Variants in ST6GALNAC3 observed in about 807,000 individuals in gnomAD.
ST6GALNAC3 encodes alpha-N-acetylgalactosaminide alpha-2,6-sialyltransferase 3.
Under a neutral mutation model 32.7 loss-of-function variants are expected in ST6GALNAC3, and 25 were observed. That is an observed-to-expected ratio of 0.76 (90% CI 0.56 to 1.07). The LOEUF (loss-of-function observed/expected upper bound fraction) is 1.07, where lower values mean the gene tolerates loss of function less well. ST6GALNAC3 is among the 50% of genes least tolerant of loss of function. ST6GALNAC3 has a pLI of 0.00. For synonymous variants in ST6GALNAC3, 129 were observed against 133.1 expected (o/e 0.97, Z 0.21); for missense variants, 355 against 382.4 (o/e 0.93, Z 0.60).
intron 2 of ST6GALNAC3, among the ~76,000 whole-genome samples, chr1:76,327,653 A>G (rs1486114212): frequency 6.6e-6 from 1 of 152,182 alleles, no homozygotes; most frequent in Non-Finnish European, 1.5e-5. Flanking sequence ...GCAGTGGTGC[A>G]ATCTCGGCTC....
At chr1:76,158,931 G>C (rs1423961077) in intron 1 of ST6GALNAC3, among the ~76,000 whole-genome samples, 1 of 152,144 alleles carries the variant, frequency 6.6e-6, no homozygotes, top group Non-Finnish European at 1.5e-5. Flanking sequence ...TCACAAAGCT[G>C]GCAAGGGACT....
At chr1:76,091,850 C>T (rs1647051072) in intron 1 of ST6GALNAC3, among the ~76,000 whole-genome samples, 1 of 152,204 alleles carries the variant, frequency 6.6e-6, no homozygotes, top group African/African-American at 2.4e-5. Flanking sequence ...CACAACTACA[C>T]TTACGGATGT....
intron 3 of ST6GALNAC3, among the ~76,000 whole-genome samples, chr1:76,436,749 T>C (rs190099784): frequency 6.6e-6 from 1 of 152,230 alleles, no homozygotes; most frequent in African/African-American, 2.4e-5. Context: ...AATTGAGACA[T>C]AGTGATGCTG....
chr1:76,452,573 A>G (rs1452957400), intron 3 of ST6GALNAC3, among the ~76,000 whole-genome samples: 1 of 152,152 alleles, frequency 6.6e-6, no homozygotes, highest in Non-Finnish European at 1.5e-5. Flanking sequence ...TTTGTGGTGT[A>G]TTACATTTAC....
chr1:76,325,325 T>A (rs12744209), intron 2 of ST6GALNAC3, among the ~76,000 whole-genome samples: 15,489 of 152,220 alleles, frequency 0.1, 968 homozygotes, highest in Non-Finnish European at 0.14. Context: ...ATAATTCCTG[T>A]CCTCTTTAAG....
chr1:76,629,169 G>A lies in ST6GALNAC3; in HGVS notation c.*363G>A. ...AGTGAGTAACTTCCAGAAGCCAAAA[G>A]AGTTTGGCTTCATGAGGCAAGGTGA... On this transcript the variant is annotated 3_prime_UTR_variant, in exon 5 of 5. Transcript: ENST00000328299. 9.8e-7 allele frequency: 1 copy of A among 1,021,656 alleles called. No homozygotes were observed. Among genetic ancestry groups the A allele is most frequent in the Non-Finnish European group, 1.2e-6 (1 of 854,708 alleles). 63.3% of individuals were successfully genotyped at this position (1,021,656 alleles called of 1,614,324 possible).
chr1:76,270,387 A>T (rs1658770086), intron 1 of ST6GALNAC3, among the ~76,000 whole-genome samples: 2 of 151,782 alleles, frequency 1.3e-5, no homozygotes, highest in South Asian at 4.2e-4. Context: ...GGTGCCTGTA[A>T]TCCCAGCTAC....
chr1:76,197,587 T>C (rs889574539), intron 1 of ST6GALNAC3, among the ~76,000 whole-genome samples: 4 of 152,074 alleles, frequency 2.6e-5, no homozygotes, highest in African/African-American at 9.7e-5. Flanking sequence ...CATGACAGTA[T>C]CCCAGGCTAA....
intron 2 of ST6GALNAC3, among the ~76,000 whole-genome samples, chr1:76,350,715 T>C (rs1178789344): frequency 6.6e-6 from 1 of 152,158 alleles, no homozygotes; most frequent in Admixed American, 6.5e-5. Context: ...ATTACAATAA[T>C]GGATTAAAAG....
intron 1 of ST6GALNAC3, among the ~76,000 whole-genome samples, chr1:76,161,771 C>T (rs1340512653): frequency 1.3e-5 from 2 of 152,218 alleles, no homozygotes; most frequent in African/African-American, 4.8e-5. Context: ...CTTAAAGGGA[C>T]ACCCATTGAT....
intron 1 of ST6GALNAC3, among the ~76,000 whole-genome samples, chr1:76,283,501 G>C (rs954920200): frequency 1.3e-5 from 2 of 152,114 alleles, no homozygotes; most frequent in Non-Finnish European, 2.9e-5. Flanking sequence ...CTTGGAGGAA[G>C]GCATGAGGGG....
chr1:76,608,271 G>T (rs1286862441), intron 3 of ST6GALNAC3, among the ~76,000 whole-genome samples: 11 of 152,020 alleles, frequency 7.2e-5, no homozygotes, highest in Admixed American at 7.2e-4. Flanking sequence ...GAGACTAAAT[G>T]GTATTTATTC....
intron 1 of ST6GALNAC3, among the ~76,000 whole-genome samples, chr1:76,231,428 G>A (rs1347529934): frequency 2.0e-5 from 3 of 151,970 alleles, no homozygotes; most frequent in East Asian, 1.9e-4. Flanking sequence ...ATTGTTGTAC[G>A]ATTAATCTCC....
At chr1:76,270,507 C>CAA (rs34410935) in intron 1 of ST6GALNAC3, among the ~76,000 whole-genome samples, 33 of 64,094 alleles carry the variant, frequency 5.1e-4, no homozygotes, top group Non-Finnish European at 6.3e-4. Context: ...AACTCTGTCT[C>CAA]AAAAAAAAAA....
intron 2 of ST6GALNAC3, among the ~76,000 whole-genome samples, chr1:76,315,103 AAC>A (rs1383245326): frequency 6.6e-6 from 1 of 152,126 alleles, no homozygotes; most frequent in Non-Finnish European, 1.5e-5. Context: ...CACCATTAAT[AAC>A]ACATAAATTC....
Position 76,087,239 on chromosome 1 carries a change from G to A in ST6GALNAC3, c.18+12355G>A, listed in dbSNP as rs754184639. Among the ~76,000 whole-genome samples the A allele has an allele frequency of 9.9e-5, 15 of 152,108 alleles. No homozygotes were observed. In the East Asian group the frequency reaches 1.2e-3, roughly 12 times the overall value. On this transcript the variant is annotated intron_variant, in intron 1 of 4. Transcript: ENST00000328299. ...CATCTTTGACCCATGATATTAAAACGTTATTTGAAGAAAGGACATCCAACC... is the reference window on the plus strand; with the variant it reads ...CATCTTTGACCCATGATATTAAAACATTATTTGAAGAAAGGACATCCAACC...
chr1:76,160,597 T>G (rs1651744934), intron 1 of ST6GALNAC3, among the ~76,000 whole-genome samples: 1 of 152,206 alleles, frequency 6.6e-6, no homozygotes, highest in Admixed American at 6.5e-5. Flanking sequence ...CTAACGGTGT[T>G]CTACAAACTA....
intron 1 of ST6GALNAC3, among the ~76,000 whole-genome samples, chr1:76,085,465 G>A (rs768066886): frequency 3.9e-5 from 6 of 152,104 alleles, no homozygotes; most frequent in African/African-American, 9.7e-5. Flanking sequence ...AGCTAAATAC[G>A]GTACGTGGAA....
rs578107952 is a variant in ST6GALNAC3, at chr1:76,416,470, T to C, written c.623+4053T>C. 3.7e-4 allele frequency among the ~76,000 whole-genome samples: 57 copies of C among 152,192 alleles called. No homozygotes were observed. In the South Asian group the frequency reaches 0.012, roughly 31 times the overall value. On this transcript the variant is annotated intron_variant, in intron 3 of 4. Coordinates refer to ENST00000328299, the MANE Select transcript of ST6GALNAC3 (RefSeq NM_152996.4). ...GAATTAAAAATATGTCACTAGTAGT[T>C]AAAGTGATTCATGATAGGAAAATGA... is the stretch of plus-strand genomic sequence containing the variant.
Sources: gnomAD v4.1 joint callset for allele counts (sites outside exome capture counted in the v4.1 genomes callset) on GRCh38, gnomAD v4.1.1 for gene constraint, MANE v1.5 for transcripts, NCBI Gene and HGNC (gene_info 2026-07-23, HGNC 2026-07-21) for gene names.